Variants in FKBP1A observed in about 807,000 individuals in gnomAD.
The protein encoded by FKBP1A is FKBP prolyl isomerase 1A.
A neutral mutation model predicts 14.2 loss-of-function variants in FKBP1A; 5 were observed. The observed-to-expected ratio is 0.35, with a 90% CI of 0.18 to 0.74. The LOEUF (loss-of-function observed/expected upper bound fraction) is 0.74, where lower values mean the gene tolerates loss of function less well. FKBP1A is among the 30% of genes least tolerant of loss of function. The pLI is 0.56. For synonymous variants in FKBP1A, 42 were observed against 49.1 expected (o/e 0.86, Z 0.60); for missense variants, 53 against 138.8 (o/e 0.38, Z 3.10).
Position 1,375,611 on chromosome 20 carries a change from A to G in FKBP1A, c.86-8T>C, listed in dbSNP as rs763193816. The G allele has an allele frequency of 3.1e-6, 5 of 1,592,700 alleles. No individual in the cohort carries two copies. The highest frequency in any genetic ancestry group is 1.7e-5 in the Admixed American group (1 of 59,976). ...TTCCATCTTCAAGCATCCCTGTGAA[A>G]AAGACGACTGTAACATGAGCAGCAG... On this transcript the variant is annotated splice_polypyrimidine_tract_variant and splice_region_variant and intron_variant, in intron 2 of 4. Coordinates refer to ENST00000400137, the MANE Select transcript of FKBP1A (RefSeq NM_000801.5).
At position 1,386,023 on chromosome 20, in the gene FKBP1A, T is replaced by C. The variant is rs998669482; in HGVS notation, c.85+6811A>G. Among the ~76,000 whole-genome samples, 30 of 152,346 alleles carry C rather than the reference T, an allele frequency of 2.0e-4. No homozygotes were observed. Among genetic ancestry groups the C allele is most frequent in the Non-Finnish European group, 3.5e-4 (24 of 68,032 alleles). On this transcript the variant is annotated intron_variant, in intron 2 of 4. Transcript: ENST00000400137. This position sits in a 1 kb window ranked among gnomAD's most constrained non-coding sequence, Gnocchi z 4.7. ...TTATTATGTCTTTTCCACTACAGTG[T>C]GAGATGAAGGCAGGAACTGTGTCTT...
intron 2 of FKBP1A, among the ~76,000 whole-genome samples, chr20:1,390,083 T>G (rs984877826): frequency 6.6e-6 from 1 of 152,126 alleles, no homozygotes; most frequent in African/African-American, 2.4e-5. Context: ...TGACAGCCAT[T>G]AGTGGCATTT....
rs1385831709 is a variant in FKBP1A, at chr20:1,391,725, C to A, written c.85+1109G>T. 1.3e-5 allele frequency: 5 copies of A among 383,808 alleles called. No homozygotes were observed. In the Admixed American group the frequency reaches 1.4e-4, roughly 11 times the overall value. The allele number at this position is 383,808 out of a possible 1,614,324, so 23.8% of individuals were successfully genotyped here. ...CTTGGCCAGAACTGCCCACAGCCTA[C>A]TACCCAGGAGGAGGAAGAGGAGGAG... On this transcript the variant is annotated intron_variant, in intron 2 of 4. Coordinates refer to ENST00000400137, the MANE Select transcript of FKBP1A (RefSeq NM_000801.5).
At chr20:1,372,707 T>C (rs2089484276) in intron 3 of FKBP1A, among the ~76,000 whole-genome samples, 1 of 152,234 alleles carries the variant, frequency 6.6e-6, no homozygotes, top group Admixed American at 6.5e-5. Context: ...CTGTATTTTT[T>C]CTATTTATAC....
rs1256881097 is a variant in FKBP1A, at chr20:1,386,513, A to G, written c.85+6321T>C. Among the ~76,000 whole-genome samples, 1 of 152,024 alleles carries G rather than the reference A, an allele frequency of 6.6e-6. No individual in the cohort carries two copies. Among genetic ancestry groups the G allele is most frequent in the East Asian group, 1.9e-4 (1 of 5,172 alleles). Reference sequence around the variant, plus strand: ...TTGGGGAAAGAGCAGATGTTTAACTACACGGATCCTGACTATGATGGGGGC... The same window carrying G: ...TTGGGGAAAGAGCAGATGTTTAACTGCACGGATCCTGACTATGATGGGGGC... On this transcript the variant is annotated intron_variant, in intron 2 of 4. Transcript: ENST00000400137. This position sits in a 1 kb window ranked among gnomAD's most constrained non-coding sequence, Gnocchi z 4.7.
At chr20:1,387,351 A>G (rs1236533159) in intron 2 of FKBP1A, among the ~76,000 whole-genome samples, 2 of 152,124 alleles carry the variant, frequency 1.3e-5, no homozygotes, top group Non-Finnish European at 2.9e-5. Context: ...AAGGTACTGG[A>G]GCCAGCTTAA....
At chr20:1,389,910 C>A (rs2089713029) in intron 2 of FKBP1A, among the ~76,000 whole-genome samples, 6 of 152,178 alleles carry the variant, frequency 3.9e-5, no homozygotes, top group Admixed American at 3.9e-4. Flanking sequence ...CAATGCCTGT[C>A]ATGCTCCTAG....
At position 1,392,989 on chromosome 20, in the gene FKBP1A, G is replaced by A. The variant is rs1428373169; in HGVS notation, c.10C>T (p.Gln4Ter). 2 of 1,479,304 alleles carry A rather than the reference G, an allele frequency of 1.4e-6. No homozygotes were observed. The highest frequency in any genetic ancestry group is 1.8e-6 in the Non-Finnish European group (2 of 1,121,204). The allele number at this position is 1,479,304 out of a possible 1,614,324, so 91.6% of individuals were successfully genotyped here. A position where few individuals can be genotyped will look rare whatever the true frequency, so the allele number is the denominator to read the frequency against. MGV[Q>*]VETISPGDGR... ...TCTCCTGGGGAGATGGTTTCCACCT[G>A]CACTCCCATGGCGGCGGCGGACGCT... The change falls in exon 1 of 5, where the codon CAG becomes TAG. Residue 4 changes from glutamine to a stop codon, truncating the protein, a stop_gained. Coordinates refer to ENST00000400137, the MANE Select transcript of FKBP1A (RefSeq NM_000801.5). LOFTEE classifies it high-confidence loss of function.
intron 4 of FKBP1A, 188 bp from the exon 5 acceptor site, chr20:1,370,260 T>G: frequency 1.0e-6 from 1 of 985,446 alleles, no homozygotes; most frequent in Non-Finnish European, 1.2e-6. Context: ...TGAAACAAAC[T>G]TTCTCCTTAA....
chr20:1,373,878 G>A (rs2122660397), intron 3 of FKBP1A, among the ~76,000 whole-genome samples: 1 of 152,298 alleles, frequency 6.6e-6, no homozygotes, highest in South Asian at 2.1e-4. Context: ...TGGTTGGCAA[G>A]GTTTCCCAAG....
chr20:1,392,731 A>C (rs1316422231), intron 2 of FKBP1A, 103 bp downstream of exon 2: 24 of 799,226 alleles, frequency 3.0e-5, no homozygotes, highest in Non-Finnish European at 3.6e-5. Flanking sequence ...CGCCGCCGCC[A>C]CGCCCCGGAC....
chr20:1,392,068 T>C (rs571486323), intron 2 of FKBP1A, among the ~76,000 whole-genome samples: 1 of 152,366 alleles, frequency 6.6e-6, no homozygotes, highest in African/African-American at 2.4e-5. Flanking sequence ...ATTATCACTA[T>C]GTATTAGCCT....
At chr20:1,392,732 C>T in intron 2 of FKBP1A, 102 bp downstream of exon 2, 1 of 810,584 alleles carries the variant, frequency 1.2e-6, no homozygotes, top group Non-Finnish European at 1.7e-6. Flanking sequence ...GCCGCCGCCA[C>T]GCCCCGGACC....
chr20:1,369,969 C>T lies in FKBP1A; in HGVS notation c.*140G>A. ...GCAAAGCTGAGTGACAGAACACATTCAGTCAGGGCAGATGTCTATACAAAG... is the reference window on the plus strand; with the variant it reads ...GCAAAGCTGAGTGACAGAACACATTTAGTCAGGGCAGATGTCTATACAAAG... On this transcript the variant is annotated 3_prime_UTR_variant, in exon 5 of 5. Transcript: ENST00000400137. The T allele has an allele frequency of 6.6e-7, 1 of 1,516,456 alleles. No individual in the cohort carries two copies. Among genetic ancestry groups the T allele is most frequent in the Non-Finnish European group, 8.9e-7 (1 of 1,125,958 alleles). The allele number at this position is 1,516,456 out of a possible 1,614,324, so 93.9% of individuals were successfully genotyped here.
chr20:1,389,993 T>C (rs2089714180), intron 2 of FKBP1A, among the ~76,000 whole-genome samples: 1 of 152,222 alleles, frequency 6.6e-6, no homozygotes, highest in Admixed American at 6.5e-5. Flanking sequence ...GGCATTCCTT[T>C]GAGGCCTTGC....
At chr20:1,383,323 G>A (rs1336221334) in intron 2 of FKBP1A, among the ~76,000 whole-genome samples, 2 of 149,388 alleles carry the variant, frequency 1.3e-5, no homozygotes, top group Admixed American at 6.7e-5. Context: ...ATTTTACAGG[G>A]ACAAAATATG....
chr20:1,380,434 C>G (rs1264128599), intron 2 of FKBP1A, among the ~76,000 whole-genome samples: 1 of 152,110 alleles, frequency 6.6e-6, no homozygotes, highest in Non-Finnish European at 1.5e-5. Context: ...GAACAGTATC[C>G]AGTGCTCACA....
intron 2 of FKBP1A, among the ~76,000 whole-genome samples, chr20:1,387,980 G>T (rs2089685503): frequency 6.6e-6 from 1 of 151,004 alleles, no homozygotes; most frequent in Non-Finnish European, 1.5e-5. Flanking sequence ...TTCTTCAGGG[G>T]AGAATGATCA....
intron 2 of FKBP1A, among the ~76,000 whole-genome samples, chr20:1,390,346 T>C (rs1377048848): frequency 8.4e-5 from 1 of 11,914 alleles, no homozygotes; most frequent in Non-Finnish European, 1.6e-4. Flanking sequence ...AAGCTGGCCA[T>C]GGGGAGGGGG....
Sources: allele counts gnomAD v4.1 joint callset (sites outside exome capture counted in the v4.1 genomes callset), GRCh38; gene constraint gnomAD v4.1.1; non-coding constraint Gnocchi (gnomAD v3.1); transcripts MANE v1.5; gene names NCBI Gene and HGNC (gene_info 2026-07-23, HGNC 2026-07-21).